The following FYB1 variants were observed in gnomAD, a reference collection of about 807,000 sequenced individuals.
FYB1 encodes the protein FYN binding protein 1.
A neutral mutation model predicts 94.1 loss-of-function variants in FYB1; 41 were observed. The ratio of observed to expected loss-of-function variants is 0.44; its 90% confidence interval spans 0.34 to 0.57. The LOEUF is 0.57. Among genes scored for constraint, FYB1 ranks in the 20% least tolerant of loss-of-function variants. The pLI, the probability that FYB1 is intolerant of heterozygous loss-of-function variation, is 0.02. For missense variants in FYB1, 1,050 were observed against 976.8 expected (o/e 1.07, Z -1.00); for synonymous variants, 367 against 353.2 (o/e 1.04, Z -0.44).
chr5:39,267,466 G>A (rs947590975), intron 1 of FYB1, among the ~76,000 whole-genome samples: 5 of 152,084 alleles, frequency 3.3e-5, no homozygotes, highest in African/African-American at 1.2e-4. Context: ...TGGAAAACAA[G>A]TAGTAAGCAA....
At chr5:39,252,618 T>A (rs961647852) in intron 1 of FYB1, among the ~76,000 whole-genome samples, 3 of 152,230 alleles carry the variant, frequency 2.0e-5, no homozygotes, top group African/African-American at 7.2e-5. Flanking sequence ...ACCAACCTAG[T>A]AACACACATA....
At chr5:39,247,689 T>A (rs1339892125) in intron 1 of FYB1, among the ~76,000 whole-genome samples, 1 of 152,056 alleles carries the variant, frequency 6.6e-6, no homozygotes, top group African/African-American at 2.4e-5. Flanking sequence ...ATTGTGACAT[T>A]TCACCATTTT....
At chr5:39,188,575 G>A (rs973020741) in intron 2 of FYB1, among the ~76,000 whole-genome samples, 1 of 117,198 alleles carries the variant, frequency 8.5e-6, no homozygotes, top group African/African-American at 3.4e-5. Flanking sequence ...ACAGAGTTTC[G>A]CTCTTGTTGC....
intron 3 of FYB1, 90 bp downstream of exon 3, chr5:39,153,358 C>T: frequency 6.7e-7 from 1 of 1,501,894 alleles, no homozygotes; most frequent in Non-Finnish European, 9.2e-7. Flanking sequence ...CCAGAAGTTT[C>T]CCATGGAACT....
At chr5:39,111,237 G>C (rs548069362) in intron 16 of FYB1, among the ~76,000 whole-genome samples, 398 of 151,980 alleles carry the variant, frequency 2.6e-3, no homozygotes, top group Middle Eastern at 0.01. Flanking sequence ...TTAGTTTTGT[G>C]TTAGTGCCTA....
intron 9 of FYB1, among the ~76,000 whole-genome samples, chr5:39,130,951 C>T (rs140129289): frequency 1.1e-4 from 17 of 152,188 alleles, no homozygotes; most frequent in Admixed American, 9.8e-4. Flanking sequence ...TTAAAACAAG[C>T]CCCAAGGGTA....
chr5:39,184,734 G>A (rs1746589898), intron 2 of FYB1, among the ~76,000 whole-genome samples: 1 of 152,004 alleles, frequency 6.6e-6, no homozygotes, highest in South Asian at 2.1e-4. Flanking sequence ...TTCAATAAAT[G>A]TATACATTTC....
intron 1 of FYB1, among the ~76,000 whole-genome samples, chr5:39,206,596 T>C (rs1748878484): frequency 1.3e-5 from 2 of 152,178 alleles, no homozygotes; most frequent in African/African-American, 4.8e-5. Flanking sequence ...GTTCCCCAGT[T>C]CTAGGCTACG....
chr5:39,174,025 G>A (rs974895040), intron 2 of FYB1, among the ~76,000 whole-genome samples: 2 of 152,038 alleles, frequency 1.3e-5, no homozygotes, highest in African/African-American at 4.8e-5. Context: ...TCTGTAAATT[G>A]CTTTGGGCAG....
chr5:39,264,322 A>G (rs457671), intron 1 of FYB1, among the ~76,000 whole-genome samples: 40,269 of 152,006 alleles, frequency 0.26, 6,024 homozygotes, highest in Non-Finnish European at 0.35. Flanking sequence ...GCAGTCTGCA[A>G]TCTGCAAGAG....
intron 2 of FYB1, among the ~76,000 whole-genome samples, chr5:39,197,070 G>A (rs12657579): frequency 0.043 from 6,510 of 152,270 alleles, 230 homozygotes; most frequent in East Asian, 0.19. Flanking sequence ...AGGAAGAAAT[G>A]AGGTAGAAGG....
At chr5:39,171,669 T>A (rs571987140) in intron 2 of FYB1, among the ~76,000 whole-genome samples, 1 of 152,356 alleles carries the variant, frequency 6.6e-6, no homozygotes, top group Non-Finnish European at 1.5e-5. Context: ...TGGTATATAC[T>A]ATCGTCACCT....
intron 1 of FYB1, among the ~76,000 whole-genome samples, chr5:39,235,143 A>G (rs1677442): frequency 0.16 from 24,613 of 151,898 alleles, 5,313 homozygotes; most frequent in African/African-American, 0.47. Context: ...CCTGGAAGAA[A>G]AAAAGGTCAG....
At position 39,153,452 on chromosome 5, in the gene FYB1, G is replaced by T. The variant is rs1307280539; in HGVS notation, c.1288C>A (p.Leu430Ile). 2 of 1,613,746 alleles carry T rather than the reference G, an allele frequency of 1.2e-6. No individual in the cohort carries two copies. Among genetic ancestry groups the T allele is most frequent in the Non-Finnish European group, 1.7e-6 (2 of 1,179,756 alleles). ...PPRNIKPPFD[L>I]KSPVNEDNQD... is the part of the protein sequence containing the mutation. ...GCAAGATAATCTTTTGCTTACTTTA[G>T]GTCAAACGGAGGTTTAATGTTTCTG... is the stretch of plus-strand genomic sequence containing the variant. The change falls in exon 3 of 19, where the codon CTA (leucine) becomes ATA (isoleucine). Residue 430 changes from leucine to isoleucine, a missense_variant. Leu to Ile is a conservative substitution (Grantham distance 5). Transcript: ENST00000512982.
intron 1 of FYB1, among the ~76,000 whole-genome samples, chr5:39,231,375 C>G (rs763020900): frequency 6.6e-6 from 1 of 152,072 alleles, no homozygotes; most frequent in African/African-American, 2.4e-5. Flanking sequence ...TCTAAATGTA[C>G]TGAGTACCTT....
intron 1 of FYB1, among the ~76,000 whole-genome samples, chr5:39,232,170 A>C (rs147129578): frequency 6.6e-6 from 1 of 152,126 alleles, no homozygotes; most frequent in African/African-American, 2.4e-5. Context: ...CACACACACT[A>C]CACATGCACA....
intron 2 of FYB1, among the ~76,000 whole-genome samples, chr5:39,191,969 G>A (rs1239214065): frequency 6.6e-6 from 1 of 152,232 alleles, no homozygotes; most frequent in East Asian, 1.9e-4. Flanking sequence ...ACATTCTTCT[G>A]GCATAGAAAT....
At chr5:39,181,373 T>G (rs1292801325) in intron 2 of FYB1, among the ~76,000 whole-genome samples, 1 of 119,414 alleles carries the variant, frequency 8.4e-6, no homozygotes, top group Non-Finnish European at 2.0e-5. Context: ...AGGAGCTGAA[T>G]TTTGAATTTC....
chr5:39,153,560 G>T lies in FYB1; in HGVS notation c.1180C>A (p.Pro394Thr). 6.2e-7 allele frequency: 1 copy of T among 1,613,918 alleles called. No individual in the cohort carries two copies. The highest frequency in any genetic ancestry group is 8.5e-7 in the Non-Finnish European group (1 of 1,179,862). The stretch of plus-strand genomic sequence containing the variant: ...CTGGCCGGATGGGATGGTGGAGGTG[G>T]TGGCAGGGAAGTTGTTGAGTAAGAC... ...QTSYSTTSLPPPPPSHPASQP... is the reference protein window; with the variant it reads ...QTSYSTTSLPTPPPSHPASQP... The change falls in exon 3 of 19, where the codon CCA becomes ACA. Residue 394 changes from proline to threonine, a missense_variant. Physicochemically the swap from Pro to Thr is conservative, Grantham distance 38. Transcript: ENST00000512982.
Sources: gnomAD v4.1 joint callset for allele counts (sites outside exome capture counted in the v4.1 genomes callset) on GRCh38, gnomAD v4.1.1 for gene constraint, MANE v1.5 for transcripts, NCBI Gene and HGNC (gene_info 2026-07-23, HGNC 2026-07-21) for gene names.